Variants in SAV1 observed in about 807,000 individuals in gnomAD.
SAV1 encodes protein salvador homolog 1.
Under a neutral mutation model 47.3 loss-of-function variants are expected in SAV1, and 23 were observed. That is an observed-to-expected ratio of 0.49 (90% CI 0.35 to 0.69). The LOEUF is 0.69. Ranked by LOEUF, SAV1 falls within the 30% of genes least tolerant of loss-of-function variation. The probability of loss-of-function intolerance (pLI) is 0.01; values close to 1 mark genes in which losing one functional copy is unlikely to be tolerated. For synonymous variants in SAV1, 155 were observed against 159.2 expected, an observed-to-expected ratio of 0.97 and a Z score of 0.20; for missense variants, 448 against 457.4, an observed-to-expected ratio of 0.98 and a Z score of 0.19.
intron 3 of SAV1, among the ~76,000 whole-genome samples, chr14:50,641,920 G>T (rs1171574837): frequency 1.3e-5 from 2 of 152,130 alleles, no homozygotes; most frequent in African/African-American, 4.8e-5. Flanking sequence ...CATGTTAATT[G>T]CAGCACTATT....
At chr14:50,657,213 T>G (rs969710815) in intron 2 of SAV1, among the ~76,000 whole-genome samples, 2 of 152,152 alleles carry the variant, frequency 1.3e-5, no homozygotes, top group Admixed American at 6.5e-5. Flanking sequence ...TTTTGTATTT[T>G]TAGTAGAGAC....
intron 2 of SAV1, among the ~76,000 whole-genome samples, chr14:50,652,557 T>C (rs560696744): frequency 8.5e-5 from 13 of 152,246 alleles, no homozygotes; most frequent in African/African-American, 2.4e-4. Flanking sequence ...GGAACCAACA[T>C]TGAAAGGGCT....
intron 2 of SAV1, among the ~76,000 whole-genome samples, chr14:50,658,089 A>G (rs1172429516): frequency 1.3e-5 from 2 of 152,218 alleles, no homozygotes; most frequent in African/African-American, 4.8e-5. Context: ...ATTAAACTCA[A>G]CCAAATGCTT....
chr14:50,634,490 A>G lies in SAV1; in HGVS notation c.*693T>C, dbSNP rs2039615651. On this transcript the variant is annotated 3_prime_UTR_variant, in exon 5 of 5. Transcript: ENST00000324679. ...CAGCCTCCCAAGTAGCTGGGACTAG[A>G]GGCACACACCATCATACCCGGCTAA... The G allele has an allele frequency of 1.1e-5, 2 of 187,546 alleles. No individual in the cohort carries two copies. Among genetic ancestry groups the G allele is most frequent in the South Asian group, 1.9e-4 (2 of 10,504 alleles). 11.6% of individuals were successfully genotyped at this position (187,546 alleles called of 1,614,324 possible). A position where few individuals can be genotyped will look rare whatever the true frequency, so the allele number is the denominator to read the frequency against.
At chr14:50,641,699 A>G (rs1008327021) in intron 3 of SAV1, among the ~76,000 whole-genome samples, 3 of 152,260 alleles carry the variant, frequency 2.0e-5, no homozygotes, top group African/African-American at 7.2e-5. Flanking sequence ...ATTATTAAAA[A>G]GTCAAAAAAT....
intron 2 of SAV1, among the ~76,000 whole-genome samples, chr14:50,645,835 G>A (rs2039717162): frequency 6.6e-6 from 1 of 152,098 alleles, no homozygotes; most frequent in African/African-American, 2.4e-5. Flanking sequence ...AGGTAGCAGG[G>A]TTAAGGTCAC....
In SAV1 at chr14:50,668,101, T is replaced by TGTCCGGAGCCCGGGGTC. The variant is rs2039920883; in HGVS notation, c.-151_-135dup. On this transcript the variant is annotated 5_prime_UTR_variant, in exon 1 of 5. The change abolishes the stop of an existing upstream ORF in the 5' untranslated region. Transcript: ENST00000324679. ...CCGAGCCGCCGCCTCCGCCGCCGCC[T>TGTCCGGAGCCCGGGGTC]GTCCGGAGCCCGGGGTCGCCCGCAG... 8.4e-6 allele frequency: 4 copies of TGTCCGGAGCCCGGGGTC among 474,582 alleles called. No individual in the cohort carries two copies. In the South Asian group the frequency reaches 3.0e-4, roughly 36 times the overall value. 29.4% of individuals were successfully genotyped at this position (474,582 alleles called of 1,614,324 possible).
chr14:50,668,268 CCA>C lies in SAV1; in HGVS notation c.-303_-302del, dbSNP rs2039923547. 1 of 154,868 alleles carries C rather than the reference CCA, an allele frequency of 6.5e-6. No individual in the cohort carries two copies. Among genetic ancestry groups the C allele is most frequent in the South Asian group, 2.2e-4 (1 of 4,478 alleles). The allele number at this position is 154,868 out of a possible 1,614,324, so 9.6% of individuals were successfully genotyped here. On this transcript the variant is annotated 5_prime_UTR_variant, in exon 1 of 5. The change abolishes an upstream ATG in the 5' untranslated region. Transcript: ENST00000324679. ...CAGCGACGCCGGGCCAGGGCCAGGG[CCA>C]TGGTCCGCCGCGGGCCGCCGAATAA...
chr14:50,636,561 C>T (rs1051601070), intron 4 of SAV1, among the ~76,000 whole-genome samples: 2 of 152,158 alleles, frequency 1.3e-5, no homozygotes. Flanking sequence ...AGTAGTCTTT[C>T]AGTGGTAAGT....
Position 50,645,033 on chromosome 14 carries a change from T to C in SAV1, c.536-19A>G, listed in dbSNP as rs1458181967. On this transcript the variant is annotated intron_variant, in intron 2 of 4. Transcript: ENST00000324679. ...CCAATACCTACGGGGAAAGAGAAAATGATAGAGAAGAAACAGAACAATTAT... is the reference window on the plus strand; with the variant it reads ...CCAATACCTACGGGGAAAGAGAAAACGATAGAGAAGAAACAGAACAATTAT... 6.3e-7 allele frequency: 1 copy of C among 1,592,240 alleles called. No homozygotes were observed. Among genetic ancestry groups the C allele is most frequent in the East Asian group, 2.2e-5 (1 of 44,712 alleles).
rs965089765 is a variant in SAV1 at position 50,634,048 on chromosome 14, A to T, written c.*1135T>A. On this transcript the variant is annotated 3_prime_UTR_variant, in exon 5 of 5. Transcript: ENST00000324679. ...TATACATTCGATTTAATGACCAAAA[A>T]TTTTTTTTGAATCCCTGGTTGTCAT... 33 of 291,730 alleles carry T rather than the reference A, an allele frequency of 1.1e-4. No homozygotes were observed. The highest frequency in any genetic ancestry group is 6.6e-4 in the African/African-American group (30 of 45,562). The allele number at this position is 291,730 out of a possible 1,614,324, so 18.1% of individuals were successfully genotyped here.
rs2039922192 is a variant in SAV1 at position 50,668,215 on chromosome 14, G to A, written c.-248C>T. On this transcript the variant is annotated 5_prime_UTR_variant, in exon 1 of 5. Coordinates refer to ENST00000324679, the MANE Select transcript of SAV1 (RefSeq NM_021818.4). Reference sequence around the variant, plus strand: ...CCCGGAAGTCGGCCCGCTCTGCGACGCTGCTCGGGGACGCCGTGAGGAAAG... The same window carrying A: ...CCCGGAAGTCGGCCCGCTCTGCGACACTGCTCGGGGACGCCGTGAGGAAAG... 4.2e-6 allele frequency: 1 copy of A among 235,332 alleles called. No individual in the cohort carries two copies. Among genetic ancestry groups the A allele is most frequent in the Non-Finnish European group, 8.1e-6 (1 of 123,176 alleles). 14.6% of individuals were successfully genotyped at this position (235,332 alleles called of 1,614,324 possible).
intron 2 of SAV1, among the ~76,000 whole-genome samples, chr14:50,663,521 A>C (rs2039877035): frequency 6.6e-6 from 1 of 152,188 alleles, no homozygotes; most frequent in South Asian, 2.1e-4. Flanking sequence ...GCATTTCCAC[A>C]TGCCTAGAAA....
At chr14:50,655,715 T>C (rs746252888) in intron 2 of SAV1, among the ~76,000 whole-genome samples, 1 of 151,956 alleles carries the variant, frequency 6.6e-6, no homozygotes, top group African/African-American at 2.4e-5. Flanking sequence ...CGTGAGCCAC[T>C]ATACCCTGCC....
rs575232400 is a variant in SAV1, at chr14:50,654,744, G to C, written c.536-9730C>G. Reference sequence around the variant, plus strand: ...TGCTAGCCAATGATCATTAATGGCTGCCAAAAACCAATAATAGATAAAAGG... The same window carrying C: ...TGCTAGCCAATGATCATTAATGGCTCCCAAAAACCAATAATAGATAAAAGG... On this transcript the variant is annotated intron_variant, in intron 2 of 4. Coordinates refer to ENST00000324679, the MANE Select transcript of SAV1 (RefSeq NM_021818.4). 4.6e-5 allele frequency among the ~76,000 whole-genome samples: 7 copies of C among 152,288 alleles called. No individual in the cohort carries two copies. In the East Asian group the frequency reaches 1.3e-3, roughly 29 times the overall value.
intron 2 of SAV1, among the ~76,000 whole-genome samples, chr14:50,658,730 TC>T (rs1435538281): frequency 1.3e-5 from 2 of 152,190 alleles, no homozygotes; most frequent in African/African-American, 2.4e-5. Flanking sequence ...TATCCTATCC[TC>T]CTACAAACTT....
At chr14:50,666,048 C>A (rs190591224) in intron 1 of SAV1, among the ~76,000 whole-genome samples, 1 of 152,252 alleles carries the variant, frequency 6.6e-6, no homozygotes, top group East Asian at 1.9e-4. Flanking sequence ...TGCCAAAAAT[C>A]CTTCTTGAAG....
intron 2 of SAV1, among the ~76,000 whole-genome samples, chr14:50,653,304 G>T (rs2039784915): frequency 6.6e-6 from 1 of 152,070 alleles, no homozygotes; most frequent in African/African-American, 2.4e-5. Context: ...AGGTGGCTAG[G>T]GTATCAATTC....
At chr14:50,657,197 G>C (rs1272982726) in intron 2 of SAV1, among the ~76,000 whole-genome samples, 2 of 151,964 alleles carry the variant, frequency 1.3e-5, no homozygotes, top group Admixed American at 1.3e-4. Flanking sequence ...ACCATGCCCA[G>C]CTAATTTTTG....
Sources: gnomAD v4.1 joint callset for allele counts (sites outside exome capture counted in the v4.1 genomes callset) on GRCh38, gnomAD v4.1.1 for gene constraint, MANE v1.5 for transcripts, NCBI Gene and HGNC (gene_info 2026-07-23, HGNC 2026-07-21) for gene names.